Variants in COG5 observed in about 807,000 individuals in gnomAD.
COG5 encodes the protein conserved oligomeric Golgi complex subunit 5.
In COG5, 86 loss-of-function variants were observed where a neutral mutation model predicts 110.4. The ratio of observed to expected loss-of-function variants is 0.78; its 90% CI spans 0.65 to 0.93. The LOEUF is 0.93. Ranked by LOEUF, COG5 falls within the 40% of genes least tolerant of loss-of-function variation. The probability of loss-of-function intolerance (pLI) is 0.00; values close to 1 mark genes in which losing one functional copy is unlikely to be tolerated. For synonymous variants in COG5, 360 were observed against 334.6 expected (o/e 1.08, Z -0.83); for missense variants, 1,077 against 987.0 (o/e 1.09, Z -1.22).
At chr7:107,318,160 TGGGACTACAGAC>T (rs1808927379) in intron 11 of COG5, among the ~76,000 whole-genome samples, 1 of 152,106 alleles carries the variant, frequency 6.6e-6, no homozygotes, top group Admixed American at 6.5e-5. Flanking sequence ...CCGGAGCAGC[TGGGACTACAGAC>T]GCGTGCCACC....
At position 107,548,259 on chromosome 7, in the gene COG5, A is replaced by G. The variant is rs754323784; in HGVS notation, c.347+19T>C. On this transcript the variant is annotated intron_variant, in intron 4 of 21. Transcript: ENST00000297135. ...AAAAACATTCCCATTCCATTTATTTATAAAATTAAGAACAGTACCTATCAA... is the reference window on the plus strand; with the variant it reads ...AAAAACATTCCCATTCCATTTATTTGTAAAATTAAGAACAGTACCTATCAA... The G allele has an allele frequency of 4.4e-6, 7 of 1,607,116 alleles. No homozygotes were observed. The highest frequency in any genetic ancestry group is 6.0e-6 in the Non-Finnish European group (7 of 1,173,736).
intron 6 of COG5, among the ~76,000 whole-genome samples, chr7:107,496,686 AAAAC>A (rs1798298490): frequency 6.6e-6 from 1 of 151,794 alleles, no homozygotes; most frequent in African/African-American, 2.4e-5. Context: ...AAAAAACAAA[AAAAC>A]AATCAATATA....
chr7:107,279,212 G>A (rs1804960542), intron 14 of COG5, among the ~76,000 whole-genome samples: 1 of 152,202 alleles, frequency 6.6e-6, no homozygotes, highest in Admixed American at 6.5e-5. Context: ...GGTCATTAGA[G>A]AAATGCAGAT....
chr7:107,504,947 T>C (rs1199781471), intron 6 of COG5, among the ~76,000 whole-genome samples: 1 of 152,108 alleles, frequency 6.6e-6, no homozygotes, highest in Non-Finnish European at 1.5e-5. Context: ...AAAGAGAGAA[T>C]TCAGTTCTTG....
At chr7:107,318,159 C>T (rs1808927130) in intron 11 of COG5, among the ~76,000 whole-genome samples, 1 of 152,124 alleles carries the variant, frequency 6.6e-6, no homozygotes, top group Non-Finnish European at 1.5e-5. Flanking sequence ...TCCGGAGCAG[C>T]TGGGACTACA....
chr7:107,347,345 T>TGA (rs979856501), intron 10 of COG5, among the ~76,000 whole-genome samples: 3 of 151,874 alleles, frequency 2.0e-5, no homozygotes. Context: ...GGGAGGGGGA[T>TGA]GAGAGAGAGA....
intron 12 of COG5, among the ~76,000 whole-genome samples, chr7:107,291,368 A>C (rs926189864): frequency 6.6e-6 from 1 of 152,196 alleles, no homozygotes; most frequent in African/African-American, 2.4e-5. Flanking sequence ...GAGCCACCAC[A>C]ACCAGCCAAA....
chr7:107,554,619 T>C (rs1803165649), intron 2 of COG5, among the ~76,000 whole-genome samples: 1 of 152,174 alleles, frequency 6.6e-6, no homozygotes, highest in Non-Finnish European at 1.5e-5. Context: ...CTGAGTAATT[T>C]ACAAACAGAA....
At chr7:107,468,308 G>C (rs1584862541) in intron 6 of COG5, among the ~76,000 whole-genome samples, 2 of 152,008 alleles carry the variant, frequency 1.3e-5, no homozygotes, top group Admixed American at 1.3e-4. Flanking sequence ...CTTGAACTCT[G>C]GCAGAAAAGC....
chr7:107,341,701 G>C (rs1160351746), intron 10 of COG5, among the ~76,000 whole-genome samples: 6 of 152,056 alleles, frequency 3.9e-5, no homozygotes, highest in African/African-American at 1.4e-4. Context: ...ACAGAATGGA[G>C]AACTCAGATA....
rs1796849526 is a variant in COG5 at position 107,474,487 on chromosome 7, A to T, written c.538+52750T>A. The T allele has an allele frequency of 5.6e-6, 9 of 1,613,202 alleles. No individual in the cohort carries two copies. The highest frequency in any genetic ancestry group is 7.6e-6 in the Non-Finnish European group (9 of 1,179,546). On this transcript the variant is annotated intron_variant, in intron 6 of 21. Coordinates refer to ENST00000297135, the MANE Select transcript of COG5 (RefSeq NM_006348.5). This position sits in a 1 kb window ranked among gnomAD's most constrained non-coding sequence, Gnocchi z 5.7. ...TGCTATCACTTTGGACAGATATGAC[A>T]TCTCTGTAAAACCTGCAAACCGAAT...
intron 10 of COG5, among the ~76,000 whole-genome samples, chr7:107,343,439 G>C (rs140574058): frequency 6.6e-6 from 1 of 152,274 alleles, no homozygotes; most frequent in African/African-American, 2.4e-5. Context: ...CCAGTACTTT[G>C]GGATGCTAAG....
chr7:107,395,541 C>CTTTT (rs67581814), intron 7 of COG5, among the ~76,000 whole-genome samples: 20 of 50,038 alleles, frequency 4.0e-4, no homozygotes, highest in East Asian at 6.9e-4. Context: ...TGAAGCAGAT[C>CTTTT]TTTTTTTTTT....
Position 107,426,710 on chromosome 7 carries a change from G to A in COG5, c.539-14078C>T, listed in dbSNP as rs553730909. ...GTAAGAATTTCAAAATATGAATTTG[G>A]GGGAGACATAAACATTCTGTCCATT... On this transcript the variant is annotated intron_variant, in intron 6 of 21. Coordinates refer to ENST00000297135, the MANE Select transcript of COG5 (RefSeq NM_006348.5). Among the ~76,000 whole-genome samples the A allele has an allele frequency of 3.9e-5, 6 of 152,206 alleles. No homozygotes were observed. The South Asian group carries it at 8.3e-4, about 21-fold the overall frequency.
Position 107,415,836 on chromosome 7 carries a change from G to GTA in COG5, c.539-3205_539-3204insTA, listed in dbSNP as rs1461141135. The stretch of plus-strand genomic sequence containing the variant: ...TACACACATACACGTATGTATGTAT[G>GTA]TGTGTGTATATATACACACACATAC... On this transcript the variant is annotated intron_variant, in intron 6 of 21. Transcript: ENST00000297135. Among the ~76,000 whole-genome samples, 374 of 77,708 alleles carry GTA rather than the reference G, an allele frequency of 4.8e-3. 39 individuals are homozygous for GTA. The highest frequency in any genetic ancestry group is 7.1e-3 in the Non-Finnish European group (261 of 36,726). The allele number at this position is 77,708 out of a possible 152,430, so 51.0% of individuals were successfully genotyped here.
At chr7:107,534,491 CAA>C (rs762079738) in intron 5 of COG5, among the ~76,000 whole-genome samples, 16 of 123,556 alleles carry the variant, frequency 1.3e-4, no homozygotes, top group Admixed American at 1.6e-4. Flanking sequence ...AAATGGAAAG[CAA>C]AAAAAAAAAA....
chr7:107,446,986 G>A lies in COG5; in HGVS notation c.539-34354C>T, dbSNP rs559089158. Among the ~76,000 whole-genome samples, 40 of 152,328 alleles carry A rather than the reference G, an allele frequency of 2.6e-4. No individual in the cohort carries two copies. The South Asian group carries it at 4.1e-3, about 16-fold the overall frequency. ...ATTGGCTTTTTCTGCTCTGGGTGTT[G>A]CAAACCTGAAATCAAGGTATTGGCT... On this transcript the variant is annotated intron_variant, in intron 6 of 21. Transcript: ENST00000297135.
At chr7:107,222,470 C>T (rs1190882869) in intron 19 of COG5, among the ~76,000 whole-genome samples, 2 of 152,196 alleles carry the variant, frequency 1.3e-5, no homozygotes, top group Non-Finnish European at 2.9e-5. Context: ...TTCCAAAGTG[C>T]TGGGATTACA....
intron 18 of COG5, among the ~76,000 whole-genome samples, chr7:107,234,627 T>A (rs1801030144): frequency 6.6e-6 from 1 of 152,104 alleles, no homozygotes; most frequent in Non-Finnish European, 1.5e-5. Context: ...AAGTGCTGCC[T>A]CCAGGAAAGT....
Sources: gnomAD v4.1 joint callset for allele counts (sites outside exome capture counted in the v4.1 genomes callset) on GRCh38, gnomAD v4.1.1 for gene constraint, Gnocchi (gnomAD v3.1) non-coding constraint, MANE v1.5 for transcripts, NCBI Gene and HGNC (gene_info 2026-07-23, HGNC 2026-07-21) for gene names.